Variants in ABHD6 observed in about 807,000 individuals in gnomAD.
ABHD6 encodes the protein monoacylglycerol lipase ABHD6.
A neutral mutation model predicts 38.8 loss-of-function variants in ABHD6; 33 were observed. That is an observed-to-expected ratio of 0.85 (90% confidence interval 0.64 to 1.14). ABHD6 has a LOEUF of 1.14. Ranked by LOEUF, ABHD6 falls within the 50% of genes most tolerant of loss-of-function variation. The pLI, the probability that ABHD6 is intolerant of heterozygous loss-of-function variation, is 0.00. For synonymous variants in ABHD6, 147 were observed against 161.6 expected, an observed-to-expected ratio of 0.91 and a Z score of 0.69; for missense variants, 380 against 422.6, an observed-to-expected ratio of 0.90 and a Z score of 0.88.
intron 9 of ABHD6, among the ~76,000 whole-genome samples, chr3:58,289,161 G>GC (rs1360583332): frequency 6.6e-6 from 1 of 152,154 alleles, no homozygotes; most frequent in Non-Finnish European, 1.5e-5. Flanking sequence ...CTCAAGCAAT[G>GC]CTCCCACCTC....
At chr3:58,246,739 T>C (rs1054854429) in intron 1 of ABHD6, among the ~76,000 whole-genome samples, 2 of 152,252 alleles carry the variant, frequency 1.3e-5, no homozygotes, top group African/African-American at 4.8e-5. Flanking sequence ...TGGATGGTCA[T>C]GTGTTTCCAG....
intron 2 of ABHD6, among the ~76,000 whole-genome samples, chr3:58,254,417 G>GT (rs1258448972): frequency 6.6e-6 from 1 of 152,224 alleles, no homozygotes; most frequent in Non-Finnish European, 1.5e-5. Context: ...CTGAGTAGCT[G>GT]TAATAGAGAC....
intron 1 of ABHD6, among the ~76,000 whole-genome samples, chr3:58,241,630 T>G (rs1028127831): frequency 2.6e-5 from 4 of 152,210 alleles, no homozygotes; most frequent in African/African-American, 9.6e-5. Flanking sequence ...ATTCATACGT[T>G]ACATATGATG....
At position 58,259,943 on chromosome 3, in the gene ABHD6, G is replaced by T. The variant is rs928867811; in HGVS notation, c.119+3238G>T. Among the ~76,000 whole-genome samples, 1 of 152,118 alleles carries T rather than the reference G, an allele frequency of 6.6e-6. No homozygotes were observed. The highest frequency in any genetic ancestry group is 1.5e-5 in the Non-Finnish European group (1 of 68,034). ...TTCACGTAAACGGGGTTATACATGT[G>T]TGACCTTTGTGTCTGGTTTCTCTCA... is the stretch of plus-strand genomic sequence containing the variant. On this transcript the variant is annotated intron_variant, in intron 3 of 9. Transcript: ENST00000478253. The surrounding 1 kb of genome is among the most constrained non-coding windows in gnomAD (Gnocchi z 4.7).
At chr3:58,288,792 G>A (rs763854986) in intron 9 of ABHD6, among the ~76,000 whole-genome samples, 2 of 152,326 alleles carry the variant, frequency 1.3e-5, no homozygotes, top group South Asian at 2.1e-4. Context: ...ACAAGGGTGA[G>A]ATGAGAGAGA....
chr3:58,286,814 G>A (rs1419042295), intron 9 of ABHD6, among the ~76,000 whole-genome samples: 1 of 114,036 alleles, frequency 8.8e-6, no homozygotes, highest in African/African-American at 3.0e-5. Context: ...AGATATATAA[G>A]ATCATATATG....
chr3:58,280,128 G>T (rs2097452016), intron 7 of ABHD6, among the ~76,000 whole-genome samples: 1 of 152,146 alleles, frequency 6.6e-6, no homozygotes, highest in African/African-American at 2.4e-5. Flanking sequence ...GAATTTGAAT[G>T]TTGGCCTGCC....
intron 1 of ABHD6, among the ~76,000 whole-genome samples, chr3:58,243,046 T>G (rs1026506348): frequency 1.3e-5 from 2 of 152,212 alleles, no homozygotes; most frequent in African/African-American, 4.8e-5. Context: ...ACAAAGGACA[T>G]GAACTCATCC....
chr3:58,279,368 C>G lies in ABHD6; in HGVS notation c.681+4553C>G, dbSNP rs558699879. ...CATTATGTAATGGCCTTCTTTGTCT[C>G]TTTTGATCTTTGTTGGTTTAAAGTC... On this transcript the variant is annotated intron_variant, in intron 7 of 9. Coordinates refer to ENST00000478253, the MANE Select transcript of ABHD6 (RefSeq NM_001320126.2). Among the ~76,000 whole-genome samples the G allele has an allele frequency of 4.7e-3, 708 of 152,212 alleles. 4 individuals are homozygous for G. The highest frequency in any genetic ancestry group is 0.016 in the African/African-American group (646 of 41,528).
chr3:58,289,859 AGG>A (rs1188057300), intron 9 of ABHD6, among the ~76,000 whole-genome samples: 1 of 104,610 alleles, frequency 9.6e-6, no homozygotes, highest in African/African-American at 4.9e-5. Context: ...CTGGCCGGGT[AGG>A]GGGCTGACCC....
In ABHD6 at chr3:58,240,510, C is replaced by G. The variant is rs1042063194; in HGVS notation, c.-91+2594C>G. ...TAAATATTTGGAAGATGCCAGGAAGCTAGTTCTGCAAGTTGAAAAAAAATT... is the reference window on the plus strand; with the variant it reads ...TAAATATTTGGAAGATGCCAGGAAGGTAGTTCTGCAAGTTGAAAAAAAATT... On this transcript the variant is annotated intron_variant, in intron 1 of 9. Coordinates refer to ENST00000478253, the MANE Select transcript of ABHD6 (RefSeq NM_001320126.2). Among the ~76,000 whole-genome samples, 4 of 152,058 alleles carry G rather than the reference C, an allele frequency of 2.6e-5. No homozygotes were observed. In the East Asian group the frequency reaches 7.7e-4, roughly 29 times the overall value.
In ABHD6 at chr3:58,293,807, C is replaced by T; in HGVS notation, c.*42C>T. The T allele has an allele frequency of 6.3e-7, 1 of 1,596,714 alleles. No individual in the cohort carries two copies. Among genetic ancestry groups the T allele is most frequent in the Admixed American group, 1.7e-5 (1 of 59,156 alleles). On this transcript the variant is annotated 3_prime_UTR_variant, in exon 10 of 10. Coordinates refer to ENST00000478253, the MANE Select transcript of ABHD6 (RefSeq NM_001320126.2). This position sits in a 1 kb window ranked among gnomAD's most constrained non-coding sequence, Gnocchi z 4.4. ...TGCATTCTGCACACAGCATCTGCTC[C>T]CATCCCCCAAGTCTGACGCAGCCAC... is the stretch of plus-strand genomic sequence containing the variant.
Position 58,263,748 on chromosome 3 carries a change from G to A in ABHD6, c.120-3441G>A, listed in dbSNP as rs911329823. Among the ~76,000 whole-genome samples, 7 of 152,154 alleles carry A rather than the reference G, an allele frequency of 4.6e-5. No individual in the cohort carries two copies. Among genetic ancestry groups the A allele is most frequent in the Non-Finnish European group, 1.0e-4 (7 of 68,036 alleles). On this transcript the variant is annotated intron_variant, in intron 3 of 9. Coordinates refer to ENST00000478253, the MANE Select transcript of ABHD6 (RefSeq NM_001320126.2). The surrounding 1 kb of genome is among the most constrained non-coding windows in gnomAD (Gnocchi z 4.9). The stretch of plus-strand genomic sequence containing the variant: ...TCCAGCTCTTCCATGATCTCACACT[G>A]TACTTTGTATGAGAGTTATAGAGAA...
intron 7 of ABHD6, among the ~76,000 whole-genome samples, chr3:58,278,051 T>G (rs1244495436): frequency 1.3e-5 from 2 of 152,194 alleles, no homozygotes; most frequent in African/African-American, 4.8e-5. Context: ...ATCTGGAATA[T>G]TGGTCTAAAA....
At position 58,293,900 on chromosome 3, in the gene ABHD6, C is replaced by G; in HGVS notation, c.*135C>G. 2 of 953,482 alleles carry G rather than the reference C, an allele frequency of 2.1e-6. No homozygotes were observed. Among genetic ancestry groups the G allele is most frequent in the Non-Finnish European group, 3.0e-6 (2 of 663,832 alleles). The allele number at this position is 953,482 out of a possible 1,614,324, so 59.1% of individuals were successfully genotyped here. ...GACCCTGAGGAAGCCCGTCCCTTATCCCTGGTATCCACGGTTCCCCAGAGC... is the reference window on the plus strand; with the variant it reads ...GACCCTGAGGAAGCCCGTCCCTTATGCCTGGTATCCACGGTTCCCCAGAGC... On this transcript the variant is annotated 3_prime_UTR_variant, in exon 10 of 10. Transcript: ENST00000478253. The surrounding 1 kb of genome is among the most constrained non-coding windows in gnomAD (Gnocchi z 4.4).
intron 7 of ABHD6, among the ~76,000 whole-genome samples, chr3:58,284,421 C>T (rs1040610026): frequency 9.9e-5 from 15 of 150,934 alleles, no homozygotes; most frequent in African/African-American, 3.4e-4. Flanking sequence ...ATATTACTGG[C>T]GAATTACTTG....
chr3:58,255,604 A>G (rs1478692055), intron 2 of ABHD6, among the ~76,000 whole-genome samples: 1 of 151,466 alleles, frequency 6.6e-6, no homozygotes, highest in Non-Finnish European at 1.5e-5. Context: ...GATCACAGGC[A>G]TGAGCTACCA....
intron 6 of ABHD6, 24 bp downstream of exon 6, chr3:58,271,088 C>T (rs549304542): frequency 6.4e-7 from 1 of 1,571,176 alleles, no homozygotes; most frequent in Non-Finnish European, 8.6e-7. Flanking sequence ...CTGAAACATC[C>T]CTCGGCAGGG....
chr3:58,267,450 A>G lies in ABHD6; in HGVS notation c.276+105A>G. The G allele has an allele frequency of 7.0e-7, 1 of 1,434,420 alleles. No individual in the cohort carries two copies. The highest frequency in any genetic ancestry group is 2.4e-5 in the East Asian group (1 of 41,270). 88.9% of individuals were successfully genotyped at this position (1,434,420 alleles called of 1,614,324 possible). A position where few individuals can be genotyped will look rare whatever the true frequency, so the allele number is the denominator to read the frequency against. ...GAGCCTGAGGCAGGAGGATTGCTTG[A>G]GTCCAGGAGTTCAAAACCAGCCTGG... On this transcript the variant is annotated intron_variant, in intron 4 of 9. Transcript: ENST00000478253. The surrounding 1 kb of genome is among the most constrained non-coding windows in gnomAD (Gnocchi z 4.3).
Sources: gnomAD v4.1 joint callset for allele counts (sites outside exome capture counted in the v4.1 genomes callset) on GRCh38, gnomAD v4.1.1 for gene constraint, Gnocchi (gnomAD v3.1) non-coding constraint, MANE v1.5 for transcripts, NCBI Gene and HGNC (gene_info 2026-07-23, HGNC 2026-07-21) for gene names.